The following CALN1 variants were observed in gnomAD, a reference collection of about 807,000 sequenced individuals.
The protein encoded by CALN1 is calcium-binding protein 8.
A neutral mutation model predicts 30.6 loss-of-function variants in CALN1; 17 were observed. The ratio of observed to expected loss-of-function variants is 0.56; its 90% confidence interval spans 0.38 to 0.83. CALN1 has a LOEUF of 0.83. CALN1 is among the 40% of genes least tolerant of loss of function. The pLI is 0.00. For missense variants in CALN1, 291 were observed against 354.9 expected (o/e 0.82, Z 1.45); for synonymous variants, 156 against 131.4 (o/e 1.19, Z -1.28).
At chr7:72,252,827 G>C (rs1261659881) in intron 3 of CALN1, among the ~76,000 whole-genome samples, 1 of 152,130 alleles carries the variant, frequency 6.6e-6, no homozygotes, top group African/African-American at 2.4e-5. Flanking sequence ...GCTGCCACAA[G>C]AGCAGAAGCT....
chr7:72,023,924 A>G (rs1800882171), intron 4 of CALN1, among the ~76,000 whole-genome samples, 155 bp from the exon 5 acceptor site: 1 of 152,230 alleles, frequency 6.6e-6, no homozygotes. Context: ...ATGTTCTTCA[A>G]TGACTGAAAG....
chr7:71,836,378 G>A (rs966975212), intron 5 of CALN1, among the ~76,000 whole-genome samples: 1 of 152,176 alleles, frequency 6.6e-6, no homozygotes, highest in Non-Finnish European at 1.5e-5. Flanking sequence ...ATCTGGAGTG[G>A]AGGTCAGGTC....
At position 72,304,146 on chromosome 7, in the gene CALN1, A is replaced by G. The variant is rs559064336; in HGVS notation, c.120-25336T>C. 9.6e-4 allele frequency among the ~76,000 whole-genome samples: 147 copies of G among 152,378 alleles called. 1 individual carries two copies. The Middle Eastern group carries it at 0.017, about 18-fold the overall frequency. ...CACCGTCTTTCAGACTGGGAGGTCC[A>G]AAGGTATGGTTTCAAGTTAATAAAG... On this transcript the variant is annotated intron_variant, in intron 2 of 6. Coordinates refer to ENST00000395275, the MANE Select transcript of CALN1 (RefSeq NM_031468.4).
intron 3 of CALN1, among the ~76,000 whole-genome samples, chr7:72,202,609 C>G (rs568545471): frequency 1.1e-4 from 16 of 151,986 alleles, no homozygotes; most frequent in African/African-American, 3.9e-4. Context: ...CACCAGAATA[C>G]CATCTACACA....
intron 4 of CALN1, among the ~76,000 whole-genome samples, chr7:72,101,130 A>G (rs558126153): frequency 6.6e-5 from 10 of 151,888 alleles, no homozygotes; most frequent in Admixed American, 5.2e-4. Flanking sequence ...TGCCTGGCTA[A>G]TTGTTTTGTA....
At chr7:71,860,447 T>TC (rs1791208619) in intron 5 of CALN1, among the ~76,000 whole-genome samples, 1 of 152,168 alleles carries the variant, frequency 6.6e-6, no homozygotes. Context: ...CGCCTTGGCC[T>TC]CCCAAAGTGC....
chr7:72,310,267 G>T (rs1245668012), intron 2 of CALN1, among the ~76,000 whole-genome samples: 1 of 151,332 alleles, frequency 6.6e-6, no homozygotes, highest in African/African-American at 2.4e-5. Context: ...GGATCAAATG[G>T]GAGTTGTAAG....
chr7:72,471,742 G>A, the CALN1 span, among the ~76,000 whole-genome samples: 1 of 152,214 alleles, frequency 6.6e-6, no homozygotes, highest in Non-Finnish European at 1.5e-5. Flanking sequence ...GTTGAAAGGA[G>A]CTAAGTGTTA....
At chr7:72,408,508 G>A (rs891100434) in intron 1 of CALN1, among the ~76,000 whole-genome samples, 9 of 152,030 alleles carry the variant, frequency 5.9e-5, no homozygotes, top group South Asian at 2.1e-4. Context: ...GTCAGAGAGC[G>A]TAACTGGAAT....
intron 5 of CALN1, among the ~76,000 whole-genome samples, chr7:71,992,724 T>TG (rs1178032109): frequency 6.6e-6 from 1 of 152,192 alleles, no homozygotes; most frequent in Non-Finnish European, 1.5e-5. Flanking sequence ...CCTGAATGGC[T>TG]ATTCTTACCT....
intron 5 of CALN1, among the ~76,000 whole-genome samples, chr7:71,964,056 T>C (rs1337954369): frequency 1.3e-5 from 2 of 152,224 alleles, no homozygotes; most frequent in Non-Finnish European, 1.5e-5. Context: ...AAAGGGAGCA[T>C]TGTTAAGGTT....
intron 3 of CALN1, among the ~76,000 whole-genome samples, 200 bp downstream of exon 3, chr7:72,278,472 TACACACACACACAC>T (rs59010102): frequency 2.8e-5 from 4 of 143,980 alleles, no homozygotes; most frequent in Non-Finnish European, 3.0e-5. Flanking sequence ...ATCAGGTCTG[TACACACACACACAC>T]ACACACACAC....
chr7:72,338,714 T>C (rs1313250958), intron 2 of CALN1, among the ~76,000 whole-genome samples: 1 of 152,128 alleles, frequency 6.6e-6, no homozygotes, highest in South Asian at 2.1e-4. Flanking sequence ...ATGGGGTACA[T>C]GAGATGTTTT....
intron 4 of CALN1, among the ~76,000 whole-genome samples, chr7:72,056,953 G>T (rs1011741014): frequency 1.3e-5 from 2 of 151,972 alleles, no homozygotes; most frequent in African/African-American, 4.8e-5. Flanking sequence ...TGTTTTGTTT[G>T]TTTTAAAAAC....
At chr7:72,140,340 A>AAGAG (rs1417514079) in intron 3 of CALN1, among the ~76,000 whole-genome samples, 2 of 65,336 alleles carry the variant, frequency 3.1e-5, no homozygotes, top group African/African-American at 5.0e-5. Flanking sequence ...AGAAGGAAGG[A>AAGAG]AGGGAGGGAG....
chr7:72,283,684 T>C (rs981942740), intron 2 of CALN1, among the ~76,000 whole-genome samples: 1 of 152,212 alleles, frequency 6.6e-6, no homozygotes, highest in African/African-American at 2.4e-5. Context: ...CTGGATTACA[T>C]GCTGGATTAC....
chr7:72,132,383 G>A (rs1357621286), intron 3 of CALN1, among the ~76,000 whole-genome samples: 1 of 152,074 alleles, frequency 6.6e-6, no homozygotes, highest in Admixed American at 6.6e-5. Context: ...TAGTTCTATG[G>A]GTACTCGAAG....
At chr7:72,320,352 A>G (rs540204303) in intron 2 of CALN1, among the ~76,000 whole-genome samples, 1 of 152,142 alleles carries the variant, frequency 6.6e-6, no homozygotes, top group African/African-American at 2.4e-5. Context: ...TCGAGCCTGA[A>G]GTGCGGGAGG....
rs62463252 is a variant in CALN1 at position 72,410,867 on chromosome 7, G to A, written c.-74+1191C>T. 5.4e-3 allele frequency among the ~76,000 whole-genome samples: 819 copies of A among 152,230 alleles called. 4 individuals carry two copies. Among genetic ancestry groups the A allele is most frequent in the Non-Finnish European group, 8.6e-3 (585 of 68,016 alleles). Reference sequence around the variant, plus strand: ...CTAAAATCAGAAAAAATACAAGGATGTTTACTATCTCTGCTACTATTAACA... The same window carrying A: ...CTAAAATCAGAAAAAATACAAGGATATTTACTATCTCTGCTACTATTAACA... On this transcript the variant is annotated intron_variant, in intron 1 of 6. Coordinates refer to ENST00000395275, the MANE Select transcript of CALN1 (RefSeq NM_031468.4).
Sources: allele counts gnomAD v4.1 joint callset (sites outside exome capture counted in the v4.1 genomes callset), GRCh38; gene constraint gnomAD v4.1.1; transcripts MANE v1.5; gene names NCBI Gene and HGNC (gene_info 2026-07-23, HGNC 2026-07-21).